The following ASTN1 variants were observed in gnomAD, a reference collection of about 807,000 sequenced individuals.
The protein encoded by ASTN1 is astrotactin 1.
ASTN1 carries 41 observed loss-of-function variants against 140.7 expected under a neutral mutation model. That is an observed-to-expected ratio of 0.29 (90% confidence interval 0.23 to 0.38). The LOEUF is 0.38. Among genes scored for constraint, ASTN1 ranks in the 10% least tolerant of loss-of-function variants. The pLI is 1.00. For missense variants in ASTN1, 1,479 were observed against 1,678.8 expected, an observed-to-expected ratio of 0.88 and a Z score of 2.08; for synonymous variants, 640 against 652.2, an observed-to-expected ratio of 0.98 and a Z score of 0.29.
intron 1 of ASTN1, among the ~76,000 whole-genome samples, chr1:177,121,699 A>G (rs979958077): frequency 7.9e-5 from 12 of 152,000 alleles, no homozygotes; most frequent in African/African-American, 2.9e-4. Context: ...GAGCTCTCAC[A>G]TTTCACAATT....
At chr1:177,010,676 C>T (rs1283866186) in intron 8 of ASTN1, among the ~76,000 whole-genome samples, 1 of 152,220 alleles carries the variant, frequency 6.6e-6, no homozygotes, top group Non-Finnish European at 1.5e-5. Context: ...TTCAACCTGC[C>T]TCATTTCTGC....
At chr1:176,911,863 A>T (rs148788111) in intron 16 of ASTN1, among the ~76,000 whole-genome samples, 1 of 152,320 alleles carries the variant, frequency 6.6e-6, no homozygotes, top group African/African-American at 2.4e-5. Context: ...TGTGTGTTAG[A>T]CTTTTATACG....
intron 2 of ASTN1, among the ~76,000 whole-genome samples, chr1:177,034,098 A>C (rs528386359): frequency 6.6e-6 from 1 of 152,300 alleles, no homozygotes; most frequent in East Asian, 1.9e-4. Context: ...GCCCACCCAC[A>C]TAAAGCTAGG....
At chr1:176,884,123 C>T (rs1478272758) in intron 19 of ASTN1, among the ~76,000 whole-genome samples, 3 of 152,156 alleles carry the variant, frequency 2.0e-5, no homozygotes, top group African/African-American at 4.8e-5. Context: ...TTGTCAGATG[C>T]TCACCAGGCA....
intron 1 of ASTN1, among the ~76,000 whole-genome samples, chr1:177,083,897 G>A (rs146799026): frequency 6.6e-6 from 1 of 152,176 alleles, no homozygotes; most frequent in Admixed American, 6.5e-5. Context: ...TCTAGGGATA[G>A]ACGTTCTACA....
chr1:176,950,406 C>A (rs963507943), intron 11 of ASTN1, among the ~76,000 whole-genome samples: 5 of 152,200 alleles, frequency 3.3e-5, no homozygotes, highest in Non-Finnish European at 5.9e-5. Flanking sequence ...TAGCACACAC[C>A]ACACTTAACC....
intron 22 of ASTN1, among the ~76,000 whole-genome samples, chr1:176,867,950 G>A (rs1307685886): frequency 1.3e-5 from 2 of 149,932 alleles, no homozygotes; most frequent in African/African-American, 5.0e-5. Flanking sequence ...TTCCTTGTTT[G>A]CTTCCTTCTT....
At chr1:177,079,475 C>A (rs1035715401) in intron 1 of ASTN1, among the ~76,000 whole-genome samples, 5 of 152,152 alleles carry the variant, frequency 3.3e-5, no homozygotes, top group Non-Finnish European at 7.3e-5. Context: ...ATTCTTCCTT[C>A]CAACTTAAAA....
At chr1:176,943,819 A>G (rs1307305210) in intron 14 of ASTN1, 72 bp downstream of exon 14, 3 of 1,493,334 alleles carry the variant, frequency 2.0e-6, no homozygotes, top group African/African-American at 2.8e-5. Flanking sequence ...GTGAGGTCAA[A>G]TCTTAATTTT....
intron 15 of ASTN1, among the ~76,000 whole-genome samples, chr1:176,935,163 C>T (rs1671386325): frequency 6.6e-6 from 1 of 152,174 alleles, no homozygotes; most frequent in Non-Finnish European, 1.5e-5. Context: ...TTCACGGTCT[C>T]CTTTTCTACG....
chr1:177,066,486 G>A (rs1465732672), intron 1 of ASTN1, among the ~76,000 whole-genome samples: 1 of 152,148 alleles, frequency 6.6e-6, no homozygotes, highest in African/African-American at 2.4e-5. Context: ...TTGTGAGCTT[G>A]TAGCACTTTT....
intron 16 of ASTN1, among the ~76,000 whole-genome samples, chr1:176,908,977 C>T (rs1157555678): frequency 6.6e-6 from 1 of 152,178 alleles, no homozygotes; most frequent in Non-Finnish European, 1.5e-5. Flanking sequence ...GAGGCCAATT[C>T]CTGCATAATA....
At chr1:177,116,538 G>T (rs565009645) in intron 1 of ASTN1, among the ~76,000 whole-genome samples, 1 of 152,042 alleles carries the variant, frequency 6.6e-6, no homozygotes, top group Non-Finnish European at 1.5e-5. Context: ...TCCCCTGAAG[G>T]TACCTCCTCC....
At chr1:176,929,983 G>C (rs1427501325) in intron 16 of ASTN1, among the ~76,000 whole-genome samples, 1 of 152,140 alleles carries the variant, frequency 6.6e-6, no homozygotes, top group Non-Finnish European at 1.5e-5. Context: ...ACTCCAGCCT[G>C]GGCAACAGAG....
chr1:176,876,504 T>C lies in ASTN1; in HGVS notation c.3463+33A>G, dbSNP rs753729608. 7 of 1,611,064 alleles carry C rather than the reference T, an allele frequency of 4.3e-6. No individual in the cohort carries two copies. In the South Asian group the frequency reaches 7.7e-5, roughly 18 times the overall value. Reference sequence around the variant, plus strand: ...AAGTGGTGGGTACCTGGGGCATCCCTTCAGAAACACTGCTAACTTCGATGT... The same window carrying C: ...AAGTGGTGGGTACCTGGGGCATCCCCTCAGAAACACTGCTAACTTCGATGT... On this transcript the variant is annotated intron_variant, in intron 21 of 22. Transcript: ENST00000361833.
At chr1:176,897,372 T>C (rs1475817953) in intron 16 of ASTN1, among the ~76,000 whole-genome samples, 3 of 152,036 alleles carry the variant, frequency 2.0e-5, no homozygotes, top group Admixed American at 1.3e-4. Flanking sequence ...AAAAAGATTA[T>C]TGAAATTTCG....
intron 16 of ASTN1, among the ~76,000 whole-genome samples, chr1:176,897,580 T>C (rs1383853180): frequency 6.6e-6 from 1 of 151,384 alleles, no homozygotes; most frequent in Non-Finnish European, 1.5e-5. Context: ...GAAAAAAAAA[T>C]GGATAAATCT....
intron 16 of ASTN1, 122 bp downstream of exon 16, chr1:176,934,030 G>A (rs1472185219): frequency 1.9e-6 from 2 of 1,070,668 alleles, no homozygotes; most frequent in Non-Finnish European, 2.6e-6. Context: ...TGGGCACAGA[G>A]CATTAGGGGA....
At chr1:176,859,525 C>T (rs1667903858), downstream of ASTN1, among the ~76,000 whole-genome samples, 1 of 152,196 alleles carries the variant, frequency 6.6e-6, no homozygotes, top group Non-Finnish European at 1.5e-5. Context: ...TGGTTCACAC[C>T]TGTAATCCCA....
Sources: gnomAD v4.1 joint callset for allele counts (sites outside exome capture counted in the v4.1 genomes callset) on GRCh38, gnomAD v4.1.1 for gene constraint, MANE v1.5 for transcripts, NCBI Gene and HGNC (gene_info 2026-07-23, HGNC 2026-07-21) for gene names.